Variants in PIBF1 observed in about 807,000 individuals in gnomAD.
PIBF1 encodes the protein progesterone-induced-blocking factor 1.
In PIBF1, 90 loss-of-function variants were observed where a neutral mutation model predicts 112.5. The observed-to-expected ratio is 0.80, with a 90% CI of 0.67 to 0.95. PIBF1 has a LOEUF of 0.95. PIBF1 is among the 40% of genes least tolerant of loss of function. PIBF1 has a pLI of 0.00. For synonymous variants in PIBF1, 301 were observed against 288.6 expected (o/e 1.04, Z -0.44); for missense variants, 915 against 852.3 (o/e 1.07, Z -0.92).
intron 10 of PIBF1, among the ~76,000 whole-genome samples, chr13:72,877,122 A>G (rs904796871): frequency 2.0e-5 from 3 of 152,154 alleles, no homozygotes; most frequent in Non-Finnish European, 2.9e-5. Flanking sequence ...CTTTCTCTAC[A>G]TCTATTGACA....
intron 15 of PIBF1, among the ~76,000 whole-genome samples, chr13:72,968,041 G>A (rs1349824019): frequency 2.6e-5 from 4 of 151,778 alleles, no homozygotes; most frequent in African/African-American, 7.2e-5. Context: ...AAAATTAGCC[G>A]GGCGTAGTGG....
chr13:72,796,289 C>G lies in PIBF1; in HGVS notation c.552+732C>G, dbSNP rs1247509040. ...TAATTACTAGGAAAGTCGTTTTGAT[C>G]TTGTGAATTCCCTGAAAGGATCTCA... On this transcript the variant is annotated intron_variant, in intron 4 of 17. Coordinates refer to ENST00000326291, the MANE Select transcript of PIBF1 (RefSeq NM_006346.4). Among the ~76,000 whole-genome samples, 5 of 152,202 alleles carry G rather than the reference C, an allele frequency of 3.3e-5. No homozygotes were observed. In the East Asian group the frequency reaches 9.7e-4, roughly 29 times the overall value.
intron 16 of PIBF1, among the ~76,000 whole-genome samples, chr13:72,976,202 A>C (rs2138951686): frequency 6.6e-6 from 1 of 152,284 alleles, no homozygotes. Context: ...GTTTGAGACT[A>C]TAGTGCACTC....
chr13:72,843,377 CAG>C (rs1417254097), intron 9 of PIBF1, among the ~76,000 whole-genome samples: 1 of 152,174 alleles, frequency 6.6e-6, no homozygotes, highest in African/African-American at 2.4e-5. Context: ...TCAGTAGTGT[CAG>C]AGTGATTGGT....
At chr13:72,844,750 C>CGGATGAAGTCTTACTGTTT (rs2037765490) in intron 9 of PIBF1, among the ~76,000 whole-genome samples, 1 of 87,508 alleles carries the variant, frequency 1.1e-5, no homozygotes, top group East Asian at 3.1e-4. Flanking sequence ...CACACACACA[C>CGGATGAAGTCTTACTGTTT]ACACACACAC....
intron 14 of PIBF1, among the ~76,000 whole-genome samples, chr13:72,948,045 A>G (rs978838943): frequency 3.3e-5 from 5 of 151,874 alleles, no homozygotes; most frequent in African/African-American, 1.2e-4. Flanking sequence ...ACATGGACAC[A>G]GGGAGGGGAA....
chr13:72,955,913 C>G (rs2042432992), intron 14 of PIBF1, among the ~76,000 whole-genome samples: 1 of 152,188 alleles, frequency 6.6e-6, no homozygotes, highest in African/African-American at 2.4e-5. Context: ...TGTCAGCCAT[C>G]TGAGTACTAG....
intron 6 of PIBF1, among the ~76,000 whole-genome samples, chr13:72,824,473 A>C (rs1037943592): frequency 6.6e-6 from 1 of 152,210 alleles, no homozygotes; most frequent in African/African-American, 2.4e-5. Flanking sequence ...GCAGGCTAAT[A>C]ATAAATACAG....
At chr13:72,935,733 T>C (rs2041853132) in intron 14 of PIBF1, among the ~76,000 whole-genome samples, 1 of 152,138 alleles carries the variant, frequency 6.6e-6, no homozygotes, top group South Asian at 2.1e-4. Context: ...CTATAATGGG[T>C]GTGTAGTGGC....
At chr13:72,947,395 G>A (rs772149976) in intron 14 of PIBF1, among the ~76,000 whole-genome samples, 1 of 152,116 alleles carries the variant, frequency 6.6e-6, no homozygotes, top group African/African-American at 2.4e-5. Flanking sequence ...TCTCTCCTAG[G>A]GCTCCAGGCC....
At chr13:72,841,282 T>G (rs2037596975) in intron 9 of PIBF1, among the ~76,000 whole-genome samples, 2 of 152,208 alleles carry the variant, frequency 1.3e-5, no homozygotes, top group African/African-American at 4.8e-5. Flanking sequence ...ATAAATAACT[T>G]CTTGCTTAGT....
At chr13:72,903,565 C>T (rs1042430889) in intron 11 of PIBF1, among the ~76,000 whole-genome samples, 1 of 152,144 alleles carries the variant, frequency 6.6e-6, no homozygotes, top group African/African-American at 2.4e-5. Context: ...TGAAATATGG[C>T]TACTTCACTG....
intron 14 of PIBF1, among the ~76,000 whole-genome samples, chr13:72,952,035 CT>C (rs67211238): frequency 0.21 from 25,761 of 122,584 alleles, 2,172 homozygotes; most frequent in Middle Eastern, 0.27. Flanking sequence ...TTTCTTTTCT[CT>C]TTTTTTTTTT....
intron 14 of PIBF1, among the ~76,000 whole-genome samples, chr13:72,947,946 GA>G (rs559012200): frequency 4.2e-4 from 64 of 152,260 alleles, no homozygotes; most frequent in African/African-American, 1.4e-3. Context: ...GATGAAGCTG[GA>G]AACCATCATT....
At chr13:72,835,472 C>A in intron 9 of PIBF1, 104 bp downstream of exon 9, 1 of 832,986 alleles carries the variant, frequency 1.2e-6, no homozygotes, top group Non-Finnish European at 1.7e-6. Flanking sequence ...TTTTTTAATA[C>A]ATTAGAGAAA....
intron 11 of PIBF1, among the ~76,000 whole-genome samples, chr13:72,898,005 TAC>T (rs1410577134): frequency 1.3e-5 from 2 of 152,112 alleles, no homozygotes; most frequent in African/African-American, 4.8e-5. Context: ...AACTGCAGAA[TAC>T]ACATCCTATT....
rs115208786 is a variant in PIBF1 at position 72,800,232 on chromosome 13, C to T, written c.672+2206C>T. On this transcript the variant is annotated intron_variant, in intron 5 of 17. Coordinates refer to ENST00000326291, the MANE Select transcript of PIBF1 (RefSeq NM_006346.4). ...TGTATTTTTAGTAGAGATAGAATTT[C>T]GCCATTTTGGCCAGACTGGTCTGGA... Among the ~76,000 whole-genome samples the T allele has an allele frequency of 5.4e-3, 817 of 152,264 alleles. 15 individuals are homozygous for T. The highest frequency in any genetic ancestry group is 0.018 in the African/African-American group (765 of 41,560).
rs773793275 is a variant in PIBF1 at position 72,965,351 on chromosome 13, T to G, written c.1911T>G (p.Asp637Glu). 1.1e-5 allele frequency: 18 copies of G among 1,610,146 alleles called. No homozygotes were observed. The highest frequency in any genetic ancestry group is 5.3e-5 in the African/African-American group (4 of 74,798). Residue 637 changes from aspartate (D) to glutamate (E), a missense_variant, in exon 15 of 18, where the codon GAT (aspartate) becomes GAG (glutamate). Transcript: ENST00000326291. ...TCATTGAATCAGTGCGTCAGAGAGA[T>G]TCTAAGATTGATTCACTGACGGAAT... The part of the protein sequence containing the change: ...RYLIESVRQR[D>E]SKIDSLTESI...
intron 10 of PIBF1, among the ~76,000 whole-genome samples, chr13:72,881,966 G>T (rs1328173954): frequency 6.6e-6 from 1 of 151,880 alleles, no homozygotes; most frequent in Non-Finnish European, 1.5e-5. Context: ...AACCACAATA[G>T]ACCCAGAATA....
Sources: allele counts gnomAD v4.1 joint callset (sites outside exome capture counted in the v4.1 genomes callset), GRCh38; gene constraint gnomAD v4.1.1; transcripts MANE v1.5; gene names NCBI Gene and HGNC (gene_info 2026-07-23, HGNC 2026-07-21).